ZNF705A: variants seen among roughly 807,000 people sequenced by gnomAD.
The protein encoded by ZNF705A is zinc finger protein 705A.
In ZNF705A, 8 loss-of-function variants were observed where a neutral mutation model predicts 16.6. The observed-to-expected ratio is 0.48, with a 90% CI of 0.28 to 0.87. The LOEUF (loss-of-function observed/expected upper bound fraction) is 0.87, where lower values mean the gene tolerates loss of function less well. Ranked by LOEUF, ZNF705A falls within the 40% of genes least tolerant of loss-of-function variation. The pLI, the probability that ZNF705A is intolerant of heterozygous loss-of-function variation, is 0.10. For missense variants in ZNF705A, 233 were observed against 359.9 expected, an observed-to-expected ratio of 0.65 and a Z score of 2.85; for synonymous variants, 73 against 117.3, an observed-to-expected ratio of 0.62 and a Z score of 2.44.
upstream of ZNF705A, among the ~76,000 whole-genome samples, chr12:8,171,235 T>G (rs1948442178): frequency 6.6e-6 from 1 of 152,160 alleles, no homozygotes; most frequent in Admixed American, 6.5e-5. Context: ...TACAAATGGG[T>G]CAGTAAATTT....
At chr12:8,161,514 A>G (rs779079564) in intron 1 of ZNF705A, among the ~76,000 whole-genome samples, 1 of 151,920 alleles carries the variant, frequency 6.6e-6, no homozygotes, top group South Asian at 2.1e-4. Flanking sequence ...ATTCTTCCTG[A>G]TTTAAGCTAG....
chr12:8,177,223 T>C lies in ZNF705A; in HGVS notation c.543T>C (p.Tyr181=), dbSNP rs771916220. Residue 181 remains tyrosine (Y), a synonymous_variant, in exon 5 of 5, where the codon TAT becomes TAC. Coordinates refer to ENST00000359286, the Ensembl canonical transcript of ZNF705A. ...AATGTAATCTATGTGAAAAGGCCTA[T>C]ACTAATTGCTTTCGCCTTAGACGGC... The C allele has an allele frequency of 3.7e-6, 6 of 1,611,624 alleles. No individual in the cohort carries two copies. In the South Asian group the frequency reaches 5.5e-5, roughly 15 times the overall value.
At chr12:8,176,913 G>A (rs1016311159) in intron 4 of ZNF705A, 86 bp from the exon 6 acceptor site, 2 of 1,557,686 alleles carry the variant, frequency 1.3e-6, no homozygotes, top group African/African-American at 1.4e-5. Context: ...ACCACTGAAT[G>A]TTTGGTCTAG....
upstream of ZNF705A, among the ~76,000 whole-genome samples, chr12:8,168,238 T>A (rs1171155819): frequency 6.6e-6 from 1 of 152,162 alleles, no homozygotes; most frequent in Admixed American, 6.5e-5. Flanking sequence ...GGAAACGGCC[T>A]CTCTCTGATG....
chr12:8,171,664 A>T (rs970108019), upstream of ZNF705A, among the ~76,000 whole-genome samples: 1 of 152,346 alleles, frequency 6.6e-6, no homozygotes, highest in African/African-American at 2.4e-5. Flanking sequence ...GGAGATTTTA[A>T]GGGCTAGATT....
At chr12:8,168,352 C>G (rs773516045), upstream of ZNF705A, among the ~76,000 whole-genome samples, 6 of 152,206 alleles carry the variant, frequency 3.9e-5, no homozygotes, top group Non-Finnish European at 5.9e-5. Context: ...TGCTCATGCT[C>G]TTCTATCTGT....
At chr12:8,165,652 G>T (rs922194090) in intron 1 of ZNF705A, among the ~76,000 whole-genome samples, 4 of 152,012 alleles carry the variant, frequency 2.6e-5, no homozygotes, top group African/African-American at 9.7e-5. Context: ...CCAATAGATA[G>T]TTTTTCAGGC....
rs958966241 is a variant in ZNF705A, at chr12:8,163,982, T to C, written c.-72+6890T>C. ...ATTTAAGGTGTGCATCTCAGTGAGC[T>C]TGGGGATAAGTACACACCATGAACA... On this transcript the variant is annotated intron_variant, in intron 1 of 5. Transcript: ENST00000396570. 3.9e-5 allele frequency among the ~76,000 whole-genome samples: 6 copies of C among 152,144 alleles called. 1 individual carries two copies. The South Asian group carries it at 6.2e-4, about 16-fold the overall frequency.
chr12:8,166,523 C>T (rs750772911), intron 1 of ZNF705A, among the ~76,000 whole-genome samples: 8 of 152,348 alleles, frequency 5.3e-5, no homozygotes, highest in Admixed American at 3.3e-4. Context: ...CATTCTCTCA[C>T]TTGCCTGCTG....
At chr12:8,178,848 T>C (rs1948508490) in exon 5 of ZNF705A, 2 of 152,370 alleles carry the variant, frequency 1.3e-5, no homozygotes, top group South Asian at 4.1e-4. Context: ...GTGAGATTCT[T>C]GGTCGAGATT....
At chr12:8,170,195 C>CAA (rs1565415073), upstream of ZNF705A, among the ~76,000 whole-genome samples, 1 of 126,230 alleles carries the variant, frequency 7.9e-6, no homozygotes, top group Non-Finnish European at 1.5e-5. Flanking sequence ...CCCCCCCCCC[C>CAA]CAAAAAAAAA....
chr12:8,177,411 G>A (rs779827836), exon 5 of ZNF705A: 31 of 1,611,866 alleles, frequency 1.9e-5, no homozygotes, highest in Middle Eastern at 2.2e-4. Context: ...TTTAACCTTC[G>A]AAGACATGAG....
At chr12:8,176,640 C>G (rs1948485768) in intron 4 of ZNF705A, among the ~76,000 whole-genome samples, 1 of 152,142 alleles carries the variant, frequency 6.6e-6, no homozygotes, top group Admixed American at 6.5e-5. Flanking sequence ...CTGGGGATGA[C>G]TGCACCTGTA....
At chr12:8,163,020 T>A (rs1948369214) in intron 1 of ZNF705A, among the ~76,000 whole-genome samples, 1 of 152,232 alleles carries the variant, frequency 6.6e-6, no homozygotes, top group East Asian at 1.9e-4. Flanking sequence ...AGTTGAATCA[T>A]GTGGCTATCT....
upstream of ZNF705A, among the ~76,000 whole-genome samples, chr12:8,170,323 C>G (rs1948436034): frequency 6.6e-6 from 1 of 151,852 alleles, no homozygotes; most frequent in Non-Finnish European, 1.5e-5. Context: ...ACATTTTTTT[C>G]CATGAATTAA....
intron 1 of ZNF705A, among the ~76,000 whole-genome samples, chr12:8,164,571 T>C (rs1359285513): frequency 1.3e-5 from 2 of 152,338 alleles, no homozygotes; most frequent in African/African-American, 4.8e-5. Flanking sequence ...CACTTGTAAG[T>C]TAGAATGTGC....
chr12:8,165,698 C>T (rs201102929), intron 1 of ZNF705A, among the ~76,000 whole-genome samples: 3 of 151,822 alleles, frequency 2.0e-5, no homozygotes, highest in South Asian at 2.1e-4. Context: ...TCTAGTAGTC[C>T]CCAGTATCTG....
exon 5 of ZNF705A, chr12:8,179,063 A>G (rs1238646916): frequency 6.6e-6 from 1 of 152,226 alleles, no homozygotes; most frequent in Non-Finnish European, 1.5e-5. Flanking sequence ...AAAGACCCCT[A>G]GTATATGCAT....
chr12:8,161,658 C>G (rs1948356322), intron 1 of ZNF705A, among the ~76,000 whole-genome samples: 1 of 152,058 alleles, frequency 6.6e-6, no homozygotes. Context: ...ACCAGAAATG[C>G]AACAGGTGGA....
Sources: allele counts gnomAD v4.1 joint callset (sites outside exome capture counted in the v4.1 genomes callset), GRCh38; gene constraint gnomAD v4.1.1; transcripts MANE v1.5; gene names NCBI Gene and HGNC (gene_info 2026-07-23, HGNC 2026-07-21).